Variants in QDPR observed in about 807,000 individuals in gnomAD.
QDPR encodes the protein dihydropteridine reductase.
In QDPR, 23 loss-of-function variants were observed where a neutral mutation model predicts 31.7. That is an observed-to-expected ratio of 0.73 (90% CI 0.52 to 1.03). The LOEUF is 1.03. Among genes scored for constraint, QDPR ranks in the 50% least tolerant of loss-of-function variants. The probability of loss-of-function intolerance (pLI) is 0.00; values close to 1 mark genes in which losing one functional copy is unlikely to be tolerated. For missense variants in QDPR, 324 were observed against 323.8 expected (o/e 1.00, Z 0.00); for synonymous variants, 124 against 124.7 (o/e 0.99, Z 0.03).
intron 4 of QDPR, among the ~76,000 whole-genome samples, chr4:17,498,880 C>G (rs982142631): frequency 6.6e-6 from 1 of 152,208 alleles, no homozygotes; most frequent in Non-Finnish European, 1.5e-5. Flanking sequence ...CATTTACTTT[C>G]AAATTGTAGA....
chr4:17,510,611 C>T (rs1411342925), intron 1 of QDPR, among the ~76,000 whole-genome samples: 2 of 152,150 alleles, frequency 1.3e-5, no homozygotes, highest in Non-Finnish European at 2.9e-5. Flanking sequence ...AGACCAAGAG[C>T]CAGAGGTAAA....
At chr4:17,506,304 A>AT (rs1359668003) in intron 2 of QDPR, among the ~76,000 whole-genome samples, 1 of 151,562 alleles carries the variant, frequency 6.6e-6, no homozygotes, top group Admixed American at 6.6e-5. Context: ...TAATTTTTGT[A>AT]TTTTTTTGTA....
intron 1 of QDPR, among the ~76,000 whole-genome samples, chr4:17,510,324 T>C (rs936258317): frequency 1.3e-5 from 2 of 151,944 alleles, no homozygotes; most frequent in Admixed American, 6.6e-5. Context: ...ACAAAAGAGG[T>C]TGTTTGTTGA....
chr4:17,509,168 A>AG, intron 2 of QDPR, 103 bp downstream of exon 2: 1 of 959,632 alleles, frequency 1.0e-6, no homozygotes, highest in Non-Finnish European at 1.7e-6. Flanking sequence ...GGGGAAAAAA[A>AG]GAAATAAAAG....
chr4:17,499,009 T>A (rs1450855301), intron 4 of QDPR, among the ~76,000 whole-genome samples: 1 of 152,196 alleles, frequency 6.6e-6, no homozygotes, highest in Non-Finnish European at 1.5e-5. Flanking sequence ...TTCATTAACA[T>A]CTGAGGCAGA....
intron 4 of QDPR, 126 bp downstream of exon 4, chr4:17,501,593 T>C: frequency 8.8e-7 from 1 of 1,140,596 alleles, no homozygotes. Context: ...GAAGACAAAA[T>C]CCATCTATCT....
intron 4 of QDPR, among the ~76,000 whole-genome samples, chr4:17,496,469 A>AAAAAAAAAAAAAAAAAAC: frequency 1.4e-5 from 2 of 142,384 alleles, no homozygotes; most frequent in African/African-American, 2.6e-5. Context: ...AAAAAAAAAA[A>AAAAAAAAAAAAAAAAAAC]AAAGAACAAA....
At chr4:17,504,616 G>A (rs562181639) in intron 2 of QDPR, 141 bp from the exon 3 acceptor site, 27 of 740,360 alleles carry the variant, frequency 3.6e-5, no homozygotes, top group Admixed American at 1.0e-4. Context: ...AGAATTAGAC[G>A]GAAGACTAAG....
At chr4:17,504,569 T>C in intron 2 of QDPR, 94 bp from the exon 3 acceptor site, 1 of 1,035,040 alleles carries the variant, frequency 9.7e-7, no homozygotes. Context: ...TCTCTTCTTT[T>C]TAAGCCAGTT....
chr4:17,502,410 A>G (rs1718603320), intron 3 of QDPR, among the ~76,000 whole-genome samples: 1 of 152,240 alleles, frequency 6.6e-6, no homozygotes, highest in African/African-American at 2.4e-5. Context: ...AACAAATGGT[A>G]ACATATGTCA....
chr4:17,509,488 A>G, intron 1 of QDPR, 125 bp from the exon 2 acceptor site: 1 of 828,926 alleles, frequency 1.2e-6, no homozygotes, highest in Non-Finnish European at 2.0e-6. Flanking sequence ...GCACTTTGGG[A>G]GCCAATGTGG....
chr4:17,502,375 C>T (rs1251481936), intron 3 of QDPR, among the ~76,000 whole-genome samples: 1 of 152,118 alleles, frequency 6.6e-6, no homozygotes, highest in Non-Finnish European at 1.5e-5. Context: ...TTTAACTCCC[C>T]GGCCTTGCCA....
At chr4:17,496,436 C>T (rs1484784035) in intron 4 of QDPR, among the ~76,000 whole-genome samples, 1 of 23,998 alleles carries the variant, frequency 4.2e-5, no homozygotes, top group Non-Finnish European at 8.2e-5. Flanking sequence ...AAGGGCAAAA[C>T]TGTCTCAAAA....
At chr4:17,509,866 A>G (rs1718942606) in intron 1 of QDPR, 1 of 439,312 alleles carries the variant, frequency 2.3e-6, no homozygotes, top group Admixed American at 2.4e-5. Flanking sequence ...CCTCTAAAAC[A>G]CAAACCCTGC....
chr4:17,497,677 G>T (rs1028605364), intron 4 of QDPR, among the ~76,000 whole-genome samples: 2 of 152,022 alleles, frequency 1.3e-5, no homozygotes, highest in African/African-American at 4.8e-5. Flanking sequence ...CCATAATCAA[G>T]GGAAAATAAT....
At position 17,505,033 on chromosome 4, in the gene QDPR, G is replaced by C. The variant is rs114988646; in HGVS notation, c.199-558C>G. ...ATATGTTGGTAATATTAAGTACATG[G>C]GGGTTCACTTTAATGATCTCTCTGC... On this transcript the variant is annotated intron_variant, in intron 2 of 6. Coordinates refer to ENST00000281243, the MANE Select transcript of QDPR (RefSeq NM_000320.3). Among the ~76,000 whole-genome samples the C allele has an allele frequency of 7.8e-3, 1,192 of 152,190 alleles. 9 individuals carry two copies. Among genetic ancestry groups the C allele is most frequent in the African/African-American group, 0.027 (1,104 of 41,520 alleles).
chr4:17,500,044 C>T (rs1338642529), intron 4 of QDPR, among the ~76,000 whole-genome samples: 9 of 151,524 alleles, frequency 5.9e-5, no homozygotes, highest in Admixed American at 2.0e-4. Flanking sequence ...AGTGCAGTGG[C>T]GCGATCTCGG....
At position 17,486,781 on chromosome 4, in the gene QDPR, C is replaced by A; in HGVS notation, c.*350G>T. ...TCAGCCTTTAAAATGTCCCCAATACCAACAAATCAACAAAGTAGTCAAGAT... is the reference window on the plus strand; with the variant it reads ...TCAGCCTTTAAAATGTCCCCAATACAAACAAATCAACAAAGTAGTCAAGAT... On this transcript the variant is annotated 3_prime_UTR_variant, in exon 7 of 7. Transcript: ENST00000281243. 3.5e-6 allele frequency: 1 copy of A among 283,158 alleles called. No individual in the cohort carries two copies. The highest frequency in any genetic ancestry group is 6.8e-6 in the Non-Finnish European group (1 of 147,000). The allele number at this position is 283,158 out of a possible 1,614,324, so 17.5% of individuals were successfully genotyped here.
intron 4 of QDPR, 36 bp downstream of exon 4, chr4:17,501,683 C>A: frequency 2.5e-6 from 4 of 1,611,708 alleles, no homozygotes; most frequent in Non-Finnish European, 3.4e-6. Flanking sequence ...GCAAGGTAAG[C>A]AACCCCACTC....
Sources: allele counts gnomAD v4.1 joint callset (sites outside exome capture counted in the v4.1 genomes callset), GRCh38; gene constraint gnomAD v4.1.1; transcripts MANE v1.5; gene names NCBI Gene and HGNC (gene_info 2026-07-23, HGNC 2026-07-21).